Variants in TACR1 observed in about 807,000 individuals in gnomAD.
The protein encoded by TACR1 is tachykinin receptor 1.
A neutral mutation model predicts 35.8 loss-of-function variants in TACR1; 25 were observed. The ratio of observed to expected loss-of-function variants is 0.70; its 90% CI spans 0.51 to 0.98. The LOEUF is 0.98. Ranked by LOEUF, TACR1 falls within the 50% of genes least tolerant of loss-of-function variation. The pLI, the probability that TACR1 is intolerant of heterozygous loss-of-function variation, is 0.00. For synonymous variants in TACR1, 195 were observed against 206.7 expected, an observed-to-expected ratio of 0.94 and a Z score of 0.48; for missense variants, 478 against 522.9, an observed-to-expected ratio of 0.91 and a Z score of 0.84.
chr2:75,132,997 A>G (rs1455349812), intron 1 of TACR1, among the ~76,000 whole-genome samples: 1 of 152,114 alleles, frequency 6.6e-6, no homozygotes, highest in Non-Finnish European at 1.5e-5. Flanking sequence ...TACACTGAGG[A>G]TATAGCTTTT....
At position 75,088,259 on chromosome 2, in the gene TACR1, G is replaced by C. The variant is rs530801471; in HGVS notation, c.584+32315C>G. ...TGGCTCTTGTCCTTGATCAGGTCCTGCTGTCCACCCTTATGTCCTGGCCCT... is the reference window on the plus strand; with the variant it reads ...TGGCTCTTGTCCTTGATCAGGTCCTCCTGTCCACCCTTATGTCCTGGCCCT... On this transcript the variant is annotated intron_variant, in intron 2 of 4. Coordinates refer to ENST00000305249, the MANE Select transcript of TACR1 (RefSeq NM_001058.4). Among the ~76,000 whole-genome samples the C allele has an allele frequency of 4.6e-3, 703 of 152,212 alleles. 1 individual carries two copies. Among genetic ancestry groups the C allele is most frequent in the Non-Finnish European group, 7.7e-3 (523 of 68,020 alleles).
At chr2:75,146,848 A>G (rs1365578072) in intron 1 of TACR1, among the ~76,000 whole-genome samples, 1 of 152,254 alleles carries the variant, frequency 6.6e-6, no homozygotes, top group Non-Finnish European at 1.5e-5. Flanking sequence ...CTTCCAGGCA[A>G]TATTTTAACA....
chr2:75,069,604 A>G (rs1441135962), intron 2 of TACR1, among the ~76,000 whole-genome samples: 2 of 152,186 alleles, frequency 1.3e-5, no homozygotes, highest in Non-Finnish European at 2.9e-5. Context: ...ATCTCACATT[A>G]AGTTTACTTG....
intron 1 of TACR1, among the ~76,000 whole-genome samples, chr2:75,145,640 C>T (rs563489073): frequency 2.6e-5 from 4 of 152,228 alleles, no homozygotes; most frequent in Non-Finnish European, 5.9e-5. Flanking sequence ...AATATCTAGA[C>T]ATAAACACGT....
intron 3 of TACR1, 24 bp from the exon 4 acceptor site, chr2:75,051,471 A>T (rs1672468301): frequency 6.2e-7 from 1 of 1,612,896 alleles, no homozygotes; most frequent in South Asian, 1.1e-5. Context: ...GAGACAGGTG[A>T]GACCACCAGC....
intron 1 of TACR1, among the ~76,000 whole-genome samples, chr2:75,168,510 G>A (rs1266434559): frequency 6.6e-6 from 1 of 152,196 alleles, no homozygotes; most frequent in Non-Finnish European, 1.5e-5. Flanking sequence ...GGGGCAGTGA[G>A]CCAAGGAATG....
intron 1 of TACR1, among the ~76,000 whole-genome samples, chr2:75,145,856 T>C (rs7599593): frequency 0.39 from 59,949 of 152,070 alleles, 13,278 homozygotes; most frequent in Non-Finnish European, 0.51. Flanking sequence ...GTGCAGAAAG[T>C]AGATGGGATA....
At chr2:75,094,854 TATATA>T (rs1231034670) in intron 2 of TACR1, among the ~76,000 whole-genome samples, 16 of 90,236 alleles carry the variant, frequency 1.8e-4, no homozygotes, top group African/African-American at 5.9e-4. Flanking sequence ...TATATATATA[TATATA>T]TTTTTTTTTT....
chr2:75,190,941 C>T (rs1260540440), intron 1 of TACR1, among the ~76,000 whole-genome samples: 1 of 152,188 alleles, frequency 6.6e-6, no homozygotes, highest in African/African-American at 2.4e-5. Flanking sequence ...AAGAACTATA[C>T]AAGAGAAGGG....
chr2:75,091,201 CAAAAAAA>C (rs1184236584), intron 2 of TACR1, among the ~76,000 whole-genome samples: 124 of 63,428 alleles, frequency 2.0e-3, no homozygotes, highest in Non-Finnish European at 3.5e-3. Flanking sequence ...CTCGTAGGTG[CAAAAAAA>C]AAAAAAAAAA....
Position 75,048,804 on chromosome 2 carries a change from A to G in TACR1, c.*628T>C, listed in dbSNP as rs991078634. On this transcript the variant is annotated 3_prime_UTR_variant, in exon 5 of 5. Transcript: ENST00000305249. ...TCTGCTTGCGTCGGCTGCTCAGGAC[A>G]GTCACCGGGGACATAATGTGGAAGC... The G allele has an allele frequency of 6.6e-6, 1 of 152,394 alleles. No individual in the cohort carries two copies. Among genetic ancestry groups the G allele is most frequent in the South Asian group, 2.1e-4 (1 of 4,820 alleles). The allele number at this position is 152,394 out of a possible 1,614,324, so 9.4% of individuals were successfully genotyped here.
chr2:75,130,375 T>G (rs1558563087), intron 1 of TACR1, among the ~76,000 whole-genome samples: 1 of 152,214 alleles, frequency 6.6e-6, no homozygotes, highest in Non-Finnish European at 1.5e-5. Flanking sequence ...AGCCACCAGA[T>G]GGGGTGGCAG....
intron 1 of TACR1, among the ~76,000 whole-genome samples, chr2:75,129,991 T>C (rs563085520): frequency 6.6e-6 from 1 of 152,354 alleles, no homozygotes; most frequent in East Asian, 1.9e-4. Context: ...ATCTGTGGGC[T>C]GGGATTGGAG....
At chr2:75,061,497 G>A (rs1184632283) in intron 2 of TACR1, among the ~76,000 whole-genome samples, 1 of 152,112 alleles carries the variant, frequency 6.6e-6, no homozygotes, top group Non-Finnish European at 1.5e-5. Context: ...TGTGTGTTTG[G>A]TTGAAAGGAT....
intron 1 of TACR1, among the ~76,000 whole-genome samples, chr2:75,153,511 G>A (rs538544646): frequency 1.3e-5 from 2 of 152,338 alleles, no homozygotes; most frequent in Admixed American, 6.5e-5. Context: ...AAGGCGTTCA[G>A]TTTTACAAGG....
intron 1 of TACR1, among the ~76,000 whole-genome samples, chr2:75,144,692 C>T (rs553422680): frequency 6.6e-6 from 1 of 152,310 alleles, no homozygotes; most frequent in Middle Eastern, 3.4e-3. Flanking sequence ...AGCACTCATT[C>T]TATCCACAAC....
At chr2:75,115,130 A>G (rs917776437) in intron 2 of TACR1, among the ~76,000 whole-genome samples, 3 of 150,638 alleles carry the variant, frequency 2.0e-5, no homozygotes, top group Non-Finnish European at 4.4e-5. Context: ...TCTTCACATC[A>G]TGTCATAGAA....
At chr2:75,137,124 C>T (rs1424156508) in intron 1 of TACR1, among the ~76,000 whole-genome samples, 1 of 152,026 alleles carries the variant, frequency 6.6e-6, no homozygotes, top group East Asian at 1.9e-4. Context: ...GTGCATGGGA[C>T]CTCAGTGAGT....
chr2:75,066,288 C>T (rs1203254889), intron 2 of TACR1, among the ~76,000 whole-genome samples: 1 of 152,182 alleles, frequency 6.6e-6, no homozygotes, highest in Non-Finnish European at 1.5e-5. Context: ...GTTCAAGTCA[C>T]TCAGGGTTGA....
Sources: gnomAD v4.1 joint callset for allele counts (sites outside exome capture counted in the v4.1 genomes callset) on GRCh38, gnomAD v4.1.1 for gene constraint, MANE v1.5 for transcripts, NCBI Gene and HGNC (gene_info 2026-07-23, HGNC 2026-07-21) for gene names.